Variants in DLG2 observed in about 807,000 individuals in gnomAD.
DLG2 encodes discs large MAGUK scaffold protein 2, also known as disks large homolog 2.
In DLG2, 45 loss-of-function variants were observed where a neutral mutation model predicts 132.5. The observed-to-expected ratio is 0.34, with a 90% confidence interval of 0.27 to 0.44. The LOEUF (loss-of-function observed/expected upper bound fraction) is 0.44. Among genes scored for constraint, DLG2 ranks in the 20% least tolerant of loss-of-function variants. The probability of loss-of-function intolerance (pLI) is 1.00; values close to 1 mark genes in which losing one functional copy is unlikely to be tolerated. For synonymous variants in DLG2, 424 were observed against 419.6 expected, an observed-to-expected ratio of 1.01 and a Z score of -0.13; for missense variants, 1,045 against 1,196.9, an observed-to-expected ratio of 0.87 and a Z score of 1.87.
At chr11:84,270,785 A>G (rs1430710324) in intron 7 of DLG2, among the ~76,000 whole-genome samples, 1 of 152,210 alleles carries the variant, frequency 6.6e-6, no homozygotes, top group Non-Finnish European at 1.5e-5. Context: ...AACGACATCA[A>G]TATGTGACTA....
intron 3 of DLG2, among the ~76,000 whole-genome samples, chr11:85,475,930 G>A (rs1006021656): frequency 2.0e-5 from 3 of 152,068 alleles, no homozygotes; most frequent in Admixed American, 6.5e-5. Flanking sequence ...AGCAAACTAC[G>A]AATAGACGTA....
chr11:85,529,117 T>C (rs1049317449), intron 3 of DLG2, among the ~76,000 whole-genome samples: 4 of 152,198 alleles, frequency 2.6e-5, no homozygotes, highest in Admixed American at 6.5e-5. Flanking sequence ...CACAAATATA[T>C]ATGCACACAC....
At chr11:83,472,871 A>C in intron 22 of DLG2, 94 bp from the exon 23 acceptor site, 6 of 1,044,084 alleles carry the variant, frequency 5.7e-6, no homozygotes, top group Non-Finnish European at 8.8e-6. Flanking sequence ...GACACAGCTC[A>C]GAGTTAATTC....
chr11:84,810,785 A>G (rs1033428604), intron 6 of DLG2, among the ~76,000 whole-genome samples: 1 of 152,210 alleles, frequency 6.6e-6, no homozygotes, highest in Non-Finnish European at 1.5e-5. Context: ...ACTGATACAC[A>G]TATCTTAAAT....
At chr11:85,059,423 G>A (rs1250290534) in intron 6 of DLG2, among the ~76,000 whole-genome samples, 1 of 151,534 alleles carries the variant, frequency 6.6e-6, no homozygotes, top group African/African-American at 2.4e-5. Context: ...TTGAATAAAT[G>A]AAGGCATATC....
At chr11:84,406,081 T>A (rs555454718) in intron 7 of DLG2, among the ~76,000 whole-genome samples, 64 of 152,212 alleles carry the variant, frequency 4.2e-4, no homozygotes, top group African/African-American at 1.4e-3. Context: ...TACAAGCAAC[T>A]CTAGTGCTAC....
At chr11:84,829,726 AC>A (rs1351925139) in intron 6 of DLG2, among the ~76,000 whole-genome samples, 1 of 151,682 alleles carries the variant, frequency 6.6e-6, no homozygotes, top group African/African-American at 2.4e-5. Flanking sequence ...CATGTAGTGT[AC>A]TTAGTACAGA....
chr11:84,651,683 A>C (rs1432899011), intron 6 of DLG2, among the ~76,000 whole-genome samples: 3 of 152,192 alleles, frequency 2.0e-5, no homozygotes, highest in Admixed American at 2.0e-4. Context: ...ATTTGTAACT[A>C]ATGAGGCATT....
At chr11:85,538,170 G>T (rs1490200650) in intron 3 of DLG2, among the ~76,000 whole-genome samples, 1 of 151,718 alleles carries the variant, frequency 6.6e-6, no homozygotes, top group Non-Finnish European at 1.5e-5. Flanking sequence ...TCACTGTGAG[G>T]GTCCATGGCT....
intron 3 of DLG2, among the ~76,000 whole-genome samples, chr11:85,489,683 CAT>C (rs2093513222): frequency 6.6e-6 from 1 of 152,098 alleles, no homozygotes; most frequent in Non-Finnish European, 1.5e-5. Context: ...GTTTAAAAAT[CAT>C]ATTTTTGAAA....
chr11:85,122,969 A>ATATATATATATTTT (rs1438099030), intron 5 of DLG2, among the ~76,000 whole-genome samples: 1 of 86,894 alleles, frequency 1.2e-5, no homozygotes, highest in African/African-American at 4.3e-5. Flanking sequence ...ATATATATAT[A>ATATATATATATTTT]TTTTTTTTTT....
intron 3 of DLG2, among the ~76,000 whole-genome samples, chr11:85,381,314 A>T (rs1041713321): frequency 6.6e-6 from 1 of 152,178 alleles, no homozygotes; most frequent in Admixed American, 6.5e-5. Context: ...TGGTAGGTTC[A>T]AATGCATCAG....
chr11:85,342,164 CTT>C (rs746561839), intron 3 of DLG2, among the ~76,000 whole-genome samples: 2 of 152,078 alleles, frequency 1.3e-5, no homozygotes, highest in Non-Finnish European at 2.9e-5. Context: ...CTTAATATAA[CTT>C]TTTTGCTTTC....
chr11:85,503,427 A>G (rs1270492373), intron 3 of DLG2, among the ~76,000 whole-genome samples: 1 of 151,990 alleles, frequency 6.6e-6, no homozygotes, highest in African/African-American at 2.4e-5. Flanking sequence ...CTGTTTTCCC[A>G]TATAACCTAT....
At chr11:83,645,355 G>A (rs576472858) in intron 18 of DLG2, among the ~76,000 whole-genome samples, 1 of 152,170 alleles carries the variant, frequency 6.6e-6, no homozygotes, top group Non-Finnish European at 1.5e-5. Context: ...TTTAACAGTT[G>A]AAGCAATTTA....
intron 18 of DLG2, among the ~76,000 whole-genome samples, chr11:83,644,853 G>A (rs925799126): frequency 6.6e-6 from 1 of 151,984 alleles, no homozygotes; most frequent in African/African-American, 2.4e-5. Flanking sequence ...ACTTAAGTGA[G>A]GCCAAAATGT....
At chr11:85,159,165 T>C (rs535503169) in intron 4 of DLG2, among the ~76,000 whole-genome samples, 3 of 152,286 alleles carry the variant, frequency 2.0e-5, no homozygotes, top group African/African-American at 7.2e-5. Context: ...CTGACATCGA[T>C]TTCAGGGGAC....
intron 9 of DLG2, among the ~76,000 whole-genome samples, chr11:84,160,445 T>A (rs1261721607): frequency 6.6e-6 from 1 of 152,154 alleles, no homozygotes; most frequent in Non-Finnish European, 1.5e-5. Flanking sequence ...GACTTTGATA[T>A]AAATGGATTT....
intron 7 of DLG2, among the ~76,000 whole-genome samples, chr11:84,373,277 A>C (rs2098716139): frequency 6.7e-6 from 1 of 149,238 alleles, no homozygotes; most frequent in African/African-American, 2.5e-5. Flanking sequence ...AAACAAAAAA[A>C]AAACCCACCA....
Sources: gnomAD v4.1 joint callset for allele counts (sites outside exome capture counted in the v4.1 genomes callset) on GRCh38, gnomAD v4.1.1 for gene constraint, MANE v1.5 for transcripts, NCBI Gene and HGNC (gene_info 2026-07-23, HGNC 2026-07-21) for gene names.